ITGBL1: variants seen among roughly 807,000 people sequenced by gnomAD.
ITGBL1 encodes the protein integrin subunit beta like 1.
ITGBL1 carries 51 observed loss-of-function variants against 68.5 expected under a neutral mutation model. That is an observed-to-expected ratio of 0.74 (90% confidence interval 0.59 to 0.94). ITGBL1 has a LOEUF of 0.94. Ranked by LOEUF, ITGBL1 falls within the 40% of genes least tolerant of loss-of-function variation. The pLI is 0.00. For missense variants in ITGBL1, 649 were observed against 647.4 expected (o/e 1.00, Z -0.03); for synonymous variants, 209 against 227.3 (o/e 0.92, Z 0.72).
chr13:101,493,002 C>G (rs1047105832), intron 2 of ITGBL1, among the ~76,000 whole-genome samples: 1 of 152,158 alleles, frequency 6.6e-6, no homozygotes, highest in Admixed American at 6.5e-5. Context: ...GAGTAAATCT[C>G]TGTTAAGCAT....
At chr13:101,522,346 CAAG>C (rs1005407771) in intron 2 of ITGBL1, among the ~76,000 whole-genome samples, 5 of 152,110 alleles carry the variant, frequency 3.3e-5, no homozygotes, top group African/African-American at 9.7e-5. Flanking sequence ...AGCTACACTA[CAAG>C]AAGGAGAAGA....
intron 7 of ITGBL1, among the ~76,000 whole-genome samples, chr13:101,621,699 A>C (rs1231572813): frequency 3.3e-5 from 5 of 152,190 alleles, no homozygotes; most frequent in African/African-American, 7.2e-5. Flanking sequence ...AATGAAGATA[A>C]TACAAAAAGA....
At chr13:101,605,723 T>C (rs1258465643) in intron 7 of ITGBL1, among the ~76,000 whole-genome samples, 3 of 151,582 alleles carry the variant, frequency 2.0e-5, no homozygotes, top group South Asian at 2.1e-4. Flanking sequence ...CGTATATGCG[T>C]GTACACGTAT....
chr13:101,453,022 T>C, intron 1 of ITGBL1, 91 bp downstream of exon 1: 1 of 1,023,360 alleles, frequency 9.8e-7, no homozygotes, highest in Non-Finnish European at 1.5e-6. Context: ...AGCCAAGAGC[T>C]GTTATTAAAT....
chr13:101,555,417 A>C (rs1032641950), intron 2 of ITGBL1, among the ~76,000 whole-genome samples: 1 of 152,066 alleles, frequency 6.6e-6, no homozygotes, highest in African/African-American at 2.4e-5. Context: ...TCCCTCAACG[A>C]GGGCCCTATA....
intron 7 of ITGBL1, among the ~76,000 whole-genome samples, chr13:101,613,516 T>G (rs2031226495): frequency 6.6e-6 from 1 of 152,180 alleles, no homozygotes; most frequent in African/African-American, 2.4e-5. Context: ...TGGGGGCTGC[T>G]GTAAGTACGG....
intron 6 of ITGBL1, among the ~76,000 whole-genome samples, chr13:101,585,177 A>G (rs1490203822): frequency 3.3e-5 from 5 of 152,176 alleles, no homozygotes; most frequent in South Asian, 4.1e-4. Flanking sequence ...GAGTGCTGTC[A>G]TCACCAGATT....
intron 3 of ITGBL1, among the ~76,000 whole-genome samples, chr13:101,571,075 A>G (rs968352338): frequency 6.6e-6 from 1 of 152,172 alleles, no homozygotes; most frequent in Non-Finnish European, 1.5e-5. Context: ...ATGAATTTAC[A>G]CCAGTGCATC....
At chr13:101,706,359 CAAT>C (rs2034263542) in intron 8 of ITGBL1, among the ~76,000 whole-genome samples, 1 of 152,120 alleles carries the variant, frequency 6.6e-6, no homozygotes, top group Admixed American at 6.5e-5. Flanking sequence ...GGAGAACAAT[CAAT>C]AAATACTGCC....
intron 7 of ITGBL1, among the ~76,000 whole-genome samples, chr13:101,619,304 A>T (rs981441987): frequency 1.3e-5 from 2 of 152,080 alleles, no homozygotes; most frequent in Non-Finnish European, 2.9e-5. Flanking sequence ...GCTAATCAAA[A>T]GATTATACTA....
chr13:101,555,265 A>G (rs1470396009), intron 2 of ITGBL1, among the ~76,000 whole-genome samples: 1 of 152,224 alleles, frequency 6.6e-6, no homozygotes, highest in African/African-American at 2.4e-5. Flanking sequence ...ATATTCATTT[A>G]TAATTTATAT....
chr13:101,564,739 T>C (rs2050155883), intron 2 of ITGBL1, among the ~76,000 whole-genome samples: 1 of 150,684 alleles, frequency 6.6e-6, no homozygotes, highest in African/African-American at 2.4e-5. Context: ...CAGGTATATA[T>C]GTATGTGTAT....
In ITGBL1 at chr13:101,604,887, T is replaced by TATATATAC; in HGVS notation, c.1015+6589_1015+6590insTATATACA. ...ATATATATATATATATATATATATA[T>TATATATAC]ACACACACACACACATATATATGTG... On this transcript the variant is annotated intron_variant, in intron 7 of 10. Coordinates refer to ENST00000376180, the MANE Select transcript of ITGBL1 (RefSeq NM_004791.3). Among the ~76,000 whole-genome samples, 3 of 22,166 alleles carry TATATATAC rather than the reference T, an allele frequency of 1.4e-4. 1 individual carries two copies. Among genetic ancestry groups the TATATATAC allele is most frequent in the Non-Finnish European group, 2.5e-4 (3 of 12,234 alleles). The allele number at this position is 22,166 out of a possible 152,430, so 14.5% of individuals were successfully genotyped here.
intron 9 of ITGBL1, chr13:101,711,145 T>C (rs995550900): frequency 4.6e-5 from 7 of 152,232 alleles, no homozygotes; most frequent in Non-Finnish European, 1.0e-4. Context: ...ATATAATTCA[T>C]TGTGGGTTGT....
intron 7 of ITGBL1, among the ~76,000 whole-genome samples, chr13:101,631,581 TA>T (rs1248665793): frequency 6.6e-6 from 1 of 152,154 alleles, no homozygotes; most frequent in East Asian, 1.9e-4. Flanking sequence ...AAGGGATTAC[TA>T]AAAGATGTCA....
chr13:101,536,305 C>G (rs749812838), intron 2 of ITGBL1, among the ~76,000 whole-genome samples: 5 of 151,924 alleles, frequency 3.3e-5, no homozygotes, highest in Non-Finnish European at 7.4e-5. Flanking sequence ...AACTTCTAGA[C>G]GCTTTCAGTT....
At position 101,583,350 on chromosome 13, in the gene ITGBL1, T is replaced by G; in HGVS notation, c.862T>G (p.Cys288Gly). ...CTATGACCGATATTCTGATGACTTCTGTTCAGGTAAGGGCTCTTCCAATTC... is the reference window on the plus strand; with the variant it reads ...CTATGACCGATATTCTGATGACTTCGGTTCAGGTAAGGGCTCTTCCAATTC... ...AVYDRYSDDF[C>G]SGHGQCNCGR... Residue 288 changes from cysteine to glycine, a missense_variant, in exon 6 of 11, where the codon TGT (cysteine) becomes GGT (glycine). Coordinates refer to ENST00000376180, the MANE Select transcript of ITGBL1 (RefSeq NM_004791.3). 1 of 1,575,918 alleles carries G rather than the reference T, an allele frequency of 6.3e-7. No individual in the cohort carries two copies. The highest frequency in any genetic ancestry group is 8.6e-7 in the Non-Finnish European group (1 of 1,161,476).
intron 7 of ITGBL1, among the ~76,000 whole-genome samples, chr13:101,680,747 T>C (rs763446176): frequency 6.6e-6 from 1 of 152,164 alleles, no homozygotes; most frequent in South Asian, 2.1e-4. Flanking sequence ...GTGCTATGGG[T>C]ATTATTTTTA....
At chr13:101,636,445 G>A (rs1267728124) in intron 7 of ITGBL1, among the ~76,000 whole-genome samples, 1 of 152,078 alleles carries the variant, frequency 6.6e-6, no homozygotes, top group African/African-American at 2.4e-5. Flanking sequence ...AGGAGGAATT[G>A]GCACTCTGGA....
Sources: gnomAD v4.1 joint callset for allele counts (sites outside exome capture counted in the v4.1 genomes callset) on GRCh38, gnomAD v4.1.1 for gene constraint, MANE v1.5 for transcripts, NCBI Gene and HGNC (gene_info 2026-07-23, HGNC 2026-07-21) for gene names.